Variants in RPS6KA2 observed in about 807,000 individuals in gnomAD.
RPS6KA2 encodes the protein ribosomal protein S6 kinase alpha-2.
In RPS6KA2, 42 loss-of-function variants were observed where a neutral mutation model predicts 91.8. The ratio of observed to expected loss-of-function variants is 0.46; its 90% CI spans 0.36 to 0.59. The LOEUF (loss-of-function observed/expected upper bound fraction) is 0.59, where lower values mean the gene tolerates loss of function less well. Ranked by LOEUF, RPS6KA2 falls within the 20% of genes least tolerant of loss-of-function variation. The probability of loss-of-function intolerance (pLI) is 0.00; values close to 1 mark genes in which losing one functional copy is unlikely to be tolerated. For missense variants in RPS6KA2, 798 were observed against 978.5 expected, an observed-to-expected ratio of 0.82 and a Z score of 2.46; for synonymous variants, 414 against 393.6, an observed-to-expected ratio of 1.05 and a Z score of -0.61.
intron 2 of RPS6KA2, among the ~76,000 whole-genome samples, chr6:166,804,636 C>T (rs561628091): frequency 1.2e-4 from 18 of 151,528 alleles, no homozygotes; most frequent in South Asian, 2.1e-4. Flanking sequence ...TATCTATATA[C>T]GTTAGGTATC....
intron 14 of RPS6KA2, among the ~76,000 whole-genome samples, chr6:166,439,623 G>A (rs1364054175): frequency 1.3e-5 from 2 of 152,322 alleles, no homozygotes; most frequent in African/African-American, 2.4e-5. Flanking sequence ...AACAACCCAT[G>A]CAGGGGGAAC....
At chr6:166,837,519 C>A in intron 2 of RPS6KA2, among the ~76,000 whole-genome samples, 1 of 152,234 alleles carries the variant, frequency 6.6e-6, no homozygotes, top group Non-Finnish European at 1.5e-5. Flanking sequence ...CACCTGAGGG[C>A]TCCCCGCTCC....
chr6:166,624,138 G>C lies in RPS6KA2; in HGVS notation c.99+2783C>G, dbSNP rs370258037. Among the ~76,000 whole-genome samples, 12 of 152,262 alleles carry C rather than the reference G, an allele frequency of 7.9e-5. No individual in the cohort carries two copies. The East Asian group carries it at 1.7e-3, about 22-fold the overall frequency. The stretch of plus-strand genomic sequence containing the variant: ...TCAAGTATGAAAACATTAGGACTGA[G>C]TCTCTCTCTGAAAGCCTTTTAAATG... On this transcript the variant is annotated intron_variant, in intron 1 of 20. Coordinates refer to ENST00000265678, the MANE Select transcript of RPS6KA2 (RefSeq NM_021135.6).
rs1583150973 is a variant in RPS6KA2, at chr6:166,818,458, T to C, written c.123+39742A>G. 2.0e-5 allele frequency among the ~76,000 whole-genome samples: 3 copies of C among 152,222 alleles called. No homozygotes were observed. In the East Asian group the frequency reaches 5.8e-4, roughly 29 times the overall value. Reference sequence around the variant, plus strand: ...GCAGTCTTCTTTGCAGCACGTTAGCTGGCAGGTCCATCCCTCATGAAGCTG... The same window carrying C: ...GCAGTCTTCTTTGCAGCACGTTAGCCGGCAGGTCCATCCCTCATGAAGCTG... On this transcript the variant is annotated intron_variant, in intron 2 of 21. Transcript: ENST00000503859.
rs1787340201 is a variant in RPS6KA2, at chr6:166,639,065, G to T, written c.124-100281C>A. Among the ~76,000 whole-genome samples the T allele has an allele frequency of 6.6e-6, 1 of 152,212 alleles. No individual in the cohort carries two copies. Among genetic ancestry groups the T allele is most frequent in the South Asian group, 2.1e-4 (1 of 4,832 alleles). ...TTTCATGCAGTTAAACCAATATGTG[G>T]AAGGGCTTTATAAATCATAAGGTGC... On this transcript the variant is annotated intron_variant, in intron 2 of 21. Transcript: ENST00000503859. The surrounding 1 kb of genome is among the most constrained non-coding windows in gnomAD (Gnocchi z 4.2).
chr6:166,826,159 G>C (rs1562459260), intron 2 of RPS6KA2, among the ~76,000 whole-genome samples: 1 of 152,100 alleles, frequency 6.6e-6, no homozygotes, highest in Non-Finnish European at 1.5e-5. Context: ...CAAAGCATGT[G>C]ATATATTTTT....
At chr6:166,432,994 CAAA>C (rs397728789) in intron 14 of RPS6KA2, among the ~76,000 whole-genome samples, 10 of 82,752 alleles carry the variant, frequency 1.2e-4, no homozygotes, top group African/African-American at 1.7e-4. Flanking sequence ...GACTCTGTCT[CAAA>C]AAAAAAAAAA....
intron 2 of RPS6KA2, among the ~76,000 whole-genome samples, chr6:166,680,969 C>G (rs895531063): frequency 6.6e-5 from 10 of 152,230 alleles, no homozygotes; most frequent in African/African-American, 2.4e-4. Context: ...TGTGAGGGAC[C>G]TGTTTGGCGT....
At chr6:166,460,427 G>A (rs1024674998) in intron 11 of RPS6KA2, among the ~76,000 whole-genome samples, 3 of 152,214 alleles carry the variant, frequency 2.0e-5, no homozygotes, top group South Asian at 4.1e-4. Context: ...GGCGGGTGAT[G>A]CTGCAGGTGG....
At chr6:166,505,710 T>C (rs557710534) in intron 5 of RPS6KA2, among the ~76,000 whole-genome samples, 1 of 152,340 alleles carries the variant, frequency 6.6e-6, no homozygotes, top group African/African-American at 2.4e-5. Context: ...ACGCAGGCTC[T>C]GCATCCTGAC....
intron 2 of RPS6KA2, among the ~76,000 whole-genome samples, chr6:166,660,739 T>C (rs1788141054): frequency 6.6e-6 from 1 of 152,198 alleles, no homozygotes; most frequent in African/African-American, 2.4e-5. Flanking sequence ...TCTCTTCCCT[T>C]AGTGCTGTCT....
At chr6:166,706,544 T>C (rs1789685476) in intron 2 of RPS6KA2, among the ~76,000 whole-genome samples, 1 of 152,190 alleles carries the variant, frequency 6.6e-6, no homozygotes, top group African/African-American at 2.4e-5. Context: ...CGTGACTGCA[T>C]GGAGAACACT....
In RPS6KA2 at chr6:166,627,134, C is replaced by T. The variant is rs1028791388; in HGVS notation, c.-115G>A. The T allele has an allele frequency of 8.7e-7, 1 of 1,143,958 alleles. No individual in the cohort carries two copies. The highest frequency in any genetic ancestry group is 1.1e-6 in the Non-Finnish European group (1 of 931,480). 70.9% of individuals were successfully genotyped at this position (1,143,958 alleles called of 1,614,324 possible). On this transcript the variant is annotated 5_prime_UTR_variant, in exon 1 of 21. Coordinates refer to ENST00000265678, the MANE Select transcript of RPS6KA2 (RefSeq NM_021135.6). Reference sequence around the variant, plus strand: ...CGCGTGGCCAGGGAGCCCGGCACGGCGGCCATGGGCGCGGGGCGTGGGGCG... The same window carrying T: ...CGCGTGGCCAGGGAGCCCGGCACGGTGGCCATGGGCGCGGGGCGTGGGGCG...
At chr6:166,807,823 C>G (rs144579893) in intron 2 of RPS6KA2, among the ~76,000 whole-genome samples, 12 of 152,218 alleles carry the variant, frequency 7.9e-5, no homozygotes, top group Non-Finnish European at 1.3e-4. Flanking sequence ...TCCCTCAACA[C>G]CTGTTTAAAA....
intron 2 of RPS6KA2, among the ~76,000 whole-genome samples, chr6:166,762,571 A>G (rs1778207083): frequency 6.6e-6 from 1 of 152,188 alleles, no homozygotes; most frequent in Non-Finnish European, 1.5e-5. Flanking sequence ...AGGATCTCGC[A>G]CTGGGCTGTA....
At chr6:166,778,440 A>T (rs1326993379) in intron 2 of RPS6KA2, among the ~76,000 whole-genome samples, 1 of 152,246 alleles carries the variant, frequency 6.6e-6, no homozygotes, top group Non-Finnish European at 1.5e-5. Flanking sequence ...AGAATTCTTT[A>T]AACAACTCAG....
chr6:166,418,671 T>C lies in RPS6KA2; in HGVS notation c.1821-329A>G, dbSNP rs767417888. ...TGGTTTCCACGGTGATGGTGTGGCA[T>C]CATGCGAGAGAGCCTGAGACGTGGA... On this transcript the variant is annotated intron_variant, in intron 18 of 20. Coordinates refer to ENST00000265678, the MANE Select transcript of RPS6KA2 (RefSeq NM_021135.6). This position sits in a 1 kb window ranked among gnomAD's most constrained non-coding sequence, Gnocchi z 4.9. Among the ~76,000 whole-genome samples, 2 of 152,240 alleles carry C rather than the reference T, an allele frequency of 1.3e-5. No homozygotes were observed. The highest frequency in any genetic ancestry group is 2.9e-5 in the Non-Finnish European group (2 of 68,050).
intron 3 of RPS6KA2, among the ~76,000 whole-genome samples, chr6:166,528,514 A>G (rs112374970): frequency 0.14 from 19,499 of 135,504 alleles, 1,650 homozygotes; most frequent in African/African-American, 0.2. Flanking sequence ...CATGGGCAAG[A>G]ACTTCATGTC....
At chr6:166,842,252 C>G (rs558756360) in intron 2 of RPS6KA2, among the ~76,000 whole-genome samples, 1 of 152,292 alleles carries the variant, frequency 6.6e-6, no homozygotes, top group Non-Finnish European at 1.5e-5. Flanking sequence ...CCCAGTCCCT[C>G]GAAATGTGGC....
Sources: gnomAD v4.1 joint callset for allele counts (sites outside exome capture counted in the v4.1 genomes callset) on GRCh38, gnomAD v4.1.1 for gene constraint, Gnocchi (gnomAD v3.1) non-coding constraint, MANE v1.5 for transcripts, NCBI Gene and HGNC (gene_info 2026-07-23, HGNC 2026-07-21) for gene names.